The following CCDC82 variants were observed in gnomAD, a reference collection of about 807,000 sequenced individuals.
CCDC82 encodes the protein coiled-coil domain containing 82.
CCDC82 carries 47 observed loss-of-function variants against 60.6 expected under a neutral mutation model. The ratio of observed to expected loss-of-function variants is 0.77; its 90% CI spans 0.61 to 0.99. CCDC82 has a LOEUF of 0.99. Ranked by LOEUF, CCDC82 falls within the 50% of genes least tolerant of loss-of-function variation. The pLI, the probability that CCDC82 is intolerant of heterozygous loss-of-function variation, is 0.00. For synonymous variants in CCDC82, 212 were observed against 207.4 expected (o/e 1.02, Z -0.19); for missense variants, 588 against 633.0 (o/e 0.93, Z 0.76).
chr11:96,388,579 T>C (rs920845280), intron 1 of CCDC82: 1 of 152,226 alleles, frequency 6.6e-6, no homozygotes, highest in Non-Finnish European at 1.5e-5. Context: ...AGTAACTCTA[T>C]AGCTAAAAGT....
At chr11:96,372,426 A>T (rs1865321872) in intron 6 of CCDC82, among the ~76,000 whole-genome samples, 1 of 151,762 alleles carries the variant, frequency 6.6e-6, no homozygotes. Flanking sequence ...AAGTAACATG[A>T]GTGCAGGAAT....
In CCDC82 at chr11:96,357,804, G is replaced by A. The variant is rs1253287870; in HGVS notation, c.1566+1189C>T. On this transcript the variant is annotated intron_variant, in intron 9 of 9. Coordinates refer to ENST00000646818, the MANE Select transcript of CCDC82 (RefSeq NM_024725.4). ...ATGAAGACGGGAAGTTATTGAATAA[G>A]TGCTCTCTCCTAAAGCAAATGAAAA... The A allele has an allele frequency of 3.0e-6, 3 of 985,384 alleles. No homozygotes were observed. In the East Asian group the frequency reaches 3.4e-4, roughly 112 times the overall value. The allele number at this position is 985,384 out of a possible 1,614,324, so 61.0% of individuals were successfully genotyped here. A position where few individuals can be genotyped will look rare whatever the true frequency, so the allele number is the denominator to read the frequency against.
intron 5 of CCDC82, among the ~76,000 whole-genome samples, chr11:96,380,232 A>T (rs1037666169): frequency 2.0e-5 from 3 of 151,768 alleles, no homozygotes; most frequent in Admixed American, 1.3e-4. Context: ...GATAAAATTT[A>T]AAATAGTAGC....
At chr11:96,386,679 C>T (rs1866215869) in intron 2 of CCDC82, 1 of 152,134 alleles carries the variant, frequency 6.6e-6, no homozygotes, top group African/African-American at 2.4e-5. Context: ...TGAGCCATTG[C>T]CCAAAGTATA....
rs966070051 is a variant in CCDC82 at position 96,360,447 on chromosome 11, G to A, written c.1381-1269C>T. 7.9e-5 allele frequency among the ~76,000 whole-genome samples: 12 copies of A among 151,264 alleles called. No individual in the cohort carries two copies. In the East Asian group the frequency reaches 1.4e-3, roughly 17 times the overall value. The stretch of plus-strand genomic sequence containing the variant: ...CCTGACCTCGTGATCTGCCCACCTC[G>A]GCCTCCCAAAGTGCTGGGATTATAG... On this transcript the variant is annotated intron_variant, in intron 8 of 9. Coordinates refer to ENST00000646818, the MANE Select transcript of CCDC82 (RefSeq NM_024725.4).
At chr11:96,359,642 T>TAAAAAAAAAAA (rs139619843) in intron 8 of CCDC82, among the ~76,000 whole-genome samples, 3 of 81,360 alleles carry the variant, frequency 3.7e-5, no homozygotes, top group East Asian at 3.8e-4. Flanking sequence ...ATGGGCAAAG[T>TAAAAAAAAAAA]AAAAAAAAAA....
At chr11:96,358,309 A>T (rs530426798) in intron 9 of CCDC82, 1 of 1,179,926 alleles carries the variant, frequency 8.5e-7, no homozygotes, top group African/African-American at 1.6e-5. Flanking sequence ...CATATACCAT[A>T]AACAATTCTA....
intron 9 of CCDC82, chr11:96,357,369 T>C: frequency 1.0e-6 from 1 of 985,208 alleles, no homozygotes; most frequent in Non-Finnish European, 1.2e-6. Context: ...AATCTTGAAA[T>C]ACCTTCAATG....
At chr11:96,355,194 T>G (rs1197056219) in intron 9 of CCDC82, 1 of 152,160 alleles carries the variant, frequency 6.6e-6, no homozygotes, top group African/African-American at 2.4e-5. Context: ...ATTCCTTTAT[T>G]ATTTATTAAA....
chr11:96,357,572 G>A (rs1200868200), intron 9 of CCDC82: 1 of 985,010 alleles, frequency 1.0e-6, no homozygotes, highest in African/African-American at 1.7e-5. Flanking sequence ...ATTTGGAAAT[G>A]CTTTTTTCTT....
intron 5 of CCDC82, among the ~76,000 whole-genome samples, chr11:96,375,379 T>C (rs1865514676): frequency 6.6e-6 from 1 of 152,158 alleles, no homozygotes; most frequent in African/African-American, 2.4e-5. Flanking sequence ...TCCCTAACCA[T>C]AAGATTCTTC....
intron 9 of CCDC82, chr11:96,356,634 A>G (rs1864363599): frequency 4.2e-6 from 4 of 958,244 alleles, no homozygotes; most frequent in Non-Finnish European, 5.0e-6. Context: ...TTAGAATAAG[A>G]CATGCATTAT....
chr11:96,354,414 A>C (rs10831512), intron 9 of CCDC82: 32,225 of 152,166 alleles, frequency 0.21, 3,529 homozygotes, highest in East Asian at 0.31. Context: ...GAGTTCAGAG[A>C]ACAAAAATTA....
intron 9 of CCDC82, chr11:96,354,669 G>T (rs1052716821): frequency 1.3e-5 from 2 of 152,150 alleles, no homozygotes; most frequent in African/African-American, 2.4e-5. Context: ...TAAGAGAGGG[G>T]TCAAGAATGA....
At chr11:96,377,768 T>C (rs1328588626) in intron 5 of CCDC82, among the ~76,000 whole-genome samples, 1 of 152,134 alleles carries the variant, frequency 6.6e-6, no homozygotes, top group African/African-American at 2.4e-5. Flanking sequence ...TTTTTCTTTA[T>C]TCTTGTAATT....
intron 8 of CCDC82, chr11:96,359,427 G>C (rs1864516396): frequency 2.9e-6 from 1 of 339,770 alleles, no homozygotes; most frequent in Non-Finnish European, 5.2e-6. Flanking sequence ...ACAGTTTTGA[G>C]AGAAAGACAA....
chr11:96,386,378 T>C (rs570221351), intron 2 of CCDC82, 85 bp from the exon 3 acceptor site: 1 of 152,318 alleles, frequency 6.6e-6, no homozygotes, highest in South Asian at 2.1e-4. Context: ...TTCTGTATAA[T>C]GGTTAACACC....
At chr11:96,364,056 T>G (rs1864816358) in intron 8 of CCDC82, 2 of 152,114 alleles carry the variant, frequency 1.3e-5, no homozygotes, top group African/African-American at 4.8e-5. Context: ...TCCACTTTCC[T>G]CTTCAGAATT....
rs922534511 is a variant in CCDC82 at position 96,352,990 on chromosome 11, A to T, written c.*656T>A. ...ATATAGACAAAATTGAATAGAAAAAAGTAAGAACATTATAAAGCATGAAAA... is the reference window on the plus strand; with the variant it reads ...ATATAGACAAAATTGAATAGAAAAATGTAAGAACATTATAAAGCATGAAAA... On this transcript the variant is annotated 3_prime_UTR_variant, in exon 10 of 10. Transcript: ENST00000646818. 10 of 152,250 alleles carry T rather than the reference A, an allele frequency of 6.6e-5. No individual in the cohort carries two copies. The highest frequency in any genetic ancestry group is 6.5e-4 in the Admixed American group (10 of 15,286). The allele number at this position is 152,250 out of a possible 1,614,324, so 9.4% of individuals were successfully genotyped here. A position where few individuals can be genotyped will look rare whatever the true frequency, so the allele number is the denominator to read the frequency against.
Sources: allele counts gnomAD v4.1 joint callset (sites outside exome capture counted in the v4.1 genomes callset), GRCh38; gene constraint gnomAD v4.1.1; transcripts MANE v1.5; gene names NCBI Gene and HGNC (gene_info 2026-07-23, HGNC 2026-07-21).